The following PTP4A1 variants were observed in gnomAD, a reference collection of about 807,000 sequenced individuals.
PTP4A1 encodes protein tyrosine phosphatase type IVA 1.
Under a neutral mutation model 20.5 loss-of-function variants are expected in PTP4A1, and 9 were observed. That is an observed-to-expected ratio of 0.44 (90% confidence interval 0.26 to 0.77). PTP4A1 has a LOEUF of 0.77. Among genes scored for constraint, PTP4A1 ranks in the 30% least tolerant of loss-of-function variants. The pLI, the probability that PTP4A1 is intolerant of heterozygous loss-of-function variation, is 0.19. For synonymous variants in PTP4A1, 78 were observed against 67.4 expected (o/e 1.16, Z -0.77); for missense variants, 137 against 218.8 (o/e 0.63, Z 2.36).
At chr6:63,533,832 T>TTTAATTAA (rs112434008) in intron 2 of PTP4A1, among the ~76,000 whole-genome samples, 80 of 149,880 alleles carry the variant, frequency 5.3e-4, no homozygotes, top group Middle Eastern at 3.5e-3. Context: ...AACAAACTTT[T>TTTAATTAA]TTAATTAATT....
intron 1 of PTP4A1, among the ~76,000 whole-genome samples, chr6:63,525,631 C>A (rs961887619): frequency 6.6e-6 from 1 of 152,206 alleles, no homozygotes; most frequent in African/African-American, 2.4e-5. Context: ...AGCTTCCTCA[C>A]CTCAGAGGTC....
chr6:63,549,509 G>A (rs1424262282), intron 2 of PTP4A1: 3 of 720,230 alleles, frequency 4.2e-6, no homozygotes, highest in South Asian at 1.5e-5. Context: ...CTTTCGGCAG[G>A]AGGAGAGAGC....
intron 5 of PTP4A1, 130 bp downstream of exon 5, chr6:63,579,461 C>T: frequency 1.7e-6 from 1 of 587,574 alleles, no homozygotes; most frequent in East Asian, 3.4e-5. Flanking sequence ...ACCAGGAAAT[C>T]AAGATCTTAC....
intron 2 of PTP4A1, among the ~76,000 whole-genome samples, chr6:63,541,814 A>T (rs1775987945): frequency 6.6e-6 from 1 of 152,098 alleles, no homozygotes; most frequent in Admixed American, 6.6e-5. Flanking sequence ...CAACCTCCTT[A>T]CACCCTTAAT....
chr6:63,548,471 T>C (rs1165749721), intron 2 of PTP4A1, among the ~76,000 whole-genome samples: 2 of 152,212 alleles, frequency 1.3e-5, no homozygotes, highest in African/African-American at 4.8e-5. Flanking sequence ...ACATAGGTGC[T>C]CTCAGTTTTC....
At chr6:63,536,368 A>G (rs1189182519) in intron 2 of PTP4A1, among the ~76,000 whole-genome samples, 1 of 152,158 alleles carries the variant, frequency 6.6e-6, no homozygotes, top group Non-Finnish European at 1.5e-5. Flanking sequence ...ATCAATAGCT[A>G]TATTTAATTT....
At chr6:63,555,525 A>G (rs1242324692) in intron 3 of PTP4A1, among the ~76,000 whole-genome samples, 1 of 151,838 alleles carries the variant, frequency 6.6e-6, no homozygotes, top group Non-Finnish European at 1.5e-5. Context: ...TGCTGCTGCA[A>G]TCATAGTTCT....
chr6:63,579,054 T>C (rs963823380), intron 4 of PTP4A1, 26 bp downstream of exon 4: 3 of 1,548,602 alleles, frequency 1.9e-6, no homozygotes, highest in African/African-American at 2.8e-5. Context: ...AATTTGATTC[T>C]AGGTAAAAAT....
intron 3 of PTP4A1, among the ~76,000 whole-genome samples, chr6:63,552,215 G>T (rs1325135389): frequency 6.6e-6 from 1 of 151,940 alleles, no homozygotes; most frequent in African/African-American, 2.4e-5. Context: ...TTATTTCAAT[G>T]ATTGGCATTC....
chr6:63,555,455 C>A (rs1776638209), intron 3 of PTP4A1, among the ~76,000 whole-genome samples: 1 of 152,170 alleles, frequency 6.6e-6, no homozygotes, highest in African/African-American at 2.4e-5. Context: ...CTTCAGTTAT[C>A]CATTTGTATA....
chr6:63,563,258 A>T (rs1777043706), intron 3 of PTP4A1, among the ~76,000 whole-genome samples: 1 of 152,112 alleles, frequency 6.6e-6, no homozygotes, highest in Admixed American at 6.5e-5. Flanking sequence ...ATAAATCCAA[A>T]TCCTTTCCAT....
At chr6:63,572,470 A>G (rs956243110), upstream of PTP4A1, 41 of 386,522 alleles carry the variant, frequency 1.1e-4, no homozygotes, top group Non-Finnish European at 1.6e-4. Flanking sequence ...AGGGCTTGTG[A>G]CGCAAGGGCG....
At chr6:63,537,656 T>C (rs1775781562) in intron 2 of PTP4A1, among the ~76,000 whole-genome samples, 1 of 152,246 alleles carries the variant, frequency 6.6e-6, no homozygotes, top group South Asian at 2.1e-4. Flanking sequence ...AAAAGAAGTG[T>C]GAAACCACAA....
chr6:63,560,707 A>G (rs1413247996), intron 3 of PTP4A1, among the ~76,000 whole-genome samples: 1 of 152,158 alleles, frequency 6.6e-6, no homozygotes, highest in Non-Finnish European at 1.5e-5. Flanking sequence ...CCCAGCCACA[A>G]AGCCTAATTT....
upstream of PTP4A1, among the ~76,000 whole-genome samples, chr6:63,520,172 C>CT (rs1562109478): frequency 6.6e-6 from 1 of 152,190 alleles, no homozygotes; most frequent in Non-Finnish European, 1.5e-5. Context: ...TGTATGCATC[C>CT]TTTTTTTAAC....
At chr6:63,557,270 A>G (rs936197700) in intron 3 of PTP4A1, among the ~76,000 whole-genome samples, 7 of 152,192 alleles carry the variant, frequency 4.6e-5, no homozygotes, top group African/African-American at 1.7e-4. Context: ...ATTTAATTTA[A>G]AAATTAATAT....
chr6:63,557,802 T>G (rs903201437), intron 3 of PTP4A1, among the ~76,000 whole-genome samples: 2 of 152,184 alleles, frequency 1.3e-5, no homozygotes, highest in Admixed American at 1.3e-4. Context: ...AGTTTGGACT[T>G]TATCTAAAAG....
chr6:63,580,697 A>G lies in PTP4A1; in HGVS notation c.*523A>G, dbSNP rs1361272719. 6.6e-6 allele frequency: 1 copy of G among 151,798 alleles called. No individual in the cohort carries two copies. The highest frequency in any genetic ancestry group is 1.5e-5 in the Non-Finnish European group (1 of 68,048). The allele number at this position is 151,798 out of a possible 1,614,324, so 9.4% of individuals were successfully genotyped here. ...TTATGTTTACATCTCCCACATTCAT[A>G]CCAATATACGTCAGGTTTGCTTAAC... On this transcript the variant is annotated 3_prime_UTR_variant, in exon 6 of 6. Transcript: ENST00000626021.
At chr6:63,562,948 T>C (rs559051438) in intron 3 of PTP4A1, among the ~76,000 whole-genome samples, 52 of 152,336 alleles carry the variant, frequency 3.4e-4, no homozygotes, top group African/African-American at 1.2e-3. Flanking sequence ...CTCAAAACCA[T>C]GGCCTTATAT....
Sources: gnomAD v4.1 joint callset for allele counts (sites outside exome capture counted in the v4.1 genomes callset) on GRCh38, gnomAD v4.1.1 for gene constraint, MANE v1.5 for transcripts, NCBI Gene and HGNC (gene_info 2026-07-23, HGNC 2026-07-21) for gene names.